Variants in MEGF10 observed in about 807,000 individuals in gnomAD.
The protein encoded by MEGF10 is multiple epidermal growth factor-like domains protein 10.
A neutral mutation model predicts 147.5 loss-of-function variants in MEGF10; 86 were observed. That is an observed-to-expected ratio of 0.58 (90% CI 0.49 to 0.70). MEGF10 has a LOEUF of 0.70. Among genes scored for constraint, MEGF10 ranks in the 30% least tolerant of loss-of-function variants. The pLI is 0.00. For synonymous variants in MEGF10, 478 were observed against 525.5 expected (o/e 0.91, Z 1.24); for missense variants, 1,329 against 1,487.3 (o/e 0.89, Z 1.75).
At chr5:127,383,184 A>G (rs968569065) in intron 5 of MEGF10, among the ~76,000 whole-genome samples, 6 of 152,234 alleles carry the variant, frequency 3.9e-5, no homozygotes, top group African/African-American at 1.4e-4. Flanking sequence ...TTTGGAAACA[A>G]CTAAAAATAT....
chr5:127,419,166 A>G lies in MEGF10; in HGVS notation c.1352A>G (p.Asn451Ser). ...TPCPLGTYGINCSSRCGCKND... is the reference protein window; with the variant it reads ...TPCPLGTYGISCSSRCGCKND... ...TGCCCTCTGGGAACCTATGGGATAA[A>G]CTGTTCCTCTCGCTGTGGCTGTAAA... The change falls in exon 11 of 25, where the codon AAC becomes AGC. Residue 451 changes from asparagine (N) to serine (S), a missense_variant. Around this residue, in one of 3 missense-constraint regions of MEGF10, gnomAD observed 980 missense variants for 1,085.9 expected, o/e 0.90. Coordinates refer to ENST00000503335, the MANE Select transcript of MEGF10 (RefSeq NM_001256545.2). 1.2e-6 allele frequency: 2 copies of G among 1,614,134 alleles called. No homozygotes were observed. The highest frequency in any genetic ancestry group is 1.7e-6 in the Non-Finnish European group (2 of 1,180,018).
At chr5:127,234,918 A>G in the MEGF10 span, among the ~76,000 whole-genome samples, 1 of 151,590 alleles carries the variant, frequency 6.6e-6, no homozygotes, top group Non-Finnish European at 1.5e-5. Context: ...ATCTCGGCTC[A>G]CTGCAACCTC....
chr5:127,421,120 A>G (rs1232391729), intron 12 of MEGF10, among the ~76,000 whole-genome samples: 1 of 152,238 alleles, frequency 6.6e-6, no homozygotes, highest in Non-Finnish European at 1.5e-5. Context: ...TCTAGTGAAC[A>G]AATTATCAGT....
At chr5:127,266,486 C>T in the MEGF10 span, among the ~76,000 whole-genome samples, 8,557 of 152,182 alleles carry the variant, frequency 0.056, 354 homozygotes, top group African/African-American at 0.11. Flanking sequence ...ATGGCGATGG[C>T]GTTGAATCTA....
intron 3 of MEGF10, 106 bp downstream of exon 3, chr5:127,339,327 G>C (rs1043431774): frequency 1.1e-5 from 8 of 727,632 alleles, no homozygotes; most frequent in African/African-American, 1.1e-4. Flanking sequence ...CAGTGAATAG[G>C]TATTGAGGGC....
chr5:127,392,961 G>A (rs539041155), intron 5 of MEGF10, among the ~76,000 whole-genome samples: 2 of 152,162 alleles, frequency 1.3e-5, no homozygotes, highest in Admixed American at 6.5e-5. Context: ...CATTTCCGGC[G>A]GTTAGTGCAG....
intron 5 of MEGF10, among the ~76,000 whole-genome samples, chr5:127,377,455 A>T (rs1234244063): frequency 6.6e-6 from 1 of 152,082 alleles, no homozygotes; most frequent in East Asian, 1.9e-4. Flanking sequence ...TGGTCTAGAA[A>T]CTCCAAACTT....
chr5:127,247,465 A>G, the MEGF10 span, among the ~76,000 whole-genome samples: 3,965 of 118,834 alleles, frequency 0.033, 873 homozygotes, highest in Middle Eastern at 0.07. Context: ...GAAGAAGAAG[A>G]AGAAGAAGAA....
At chr5:127,364,724 C>G (rs909993038) in intron 4 of MEGF10, among the ~76,000 whole-genome samples, 18 of 152,128 alleles carry the variant, frequency 1.2e-4, no homozygotes, top group Admixed American at 1.2e-3. Context: ...TCTTGGAAGT[C>G]AACTCTCTGT....
chr5:127,408,029 T>G (rs910460053), intron 8 of MEGF10, among the ~76,000 whole-genome samples: 5 of 152,216 alleles, frequency 3.3e-5, no homozygotes, highest in African/African-American at 1.2e-4. Flanking sequence ...TGTTTTATAT[T>G]TATAATGCAA....
At chr5:127,434,948 G>C (rs1765506651) in intron 15 of MEGF10, 127 bp downstream of exon 15, 3 of 1,291,560 alleles carry the variant, frequency 2.3e-6, no homozygotes, top group Non-Finnish European at 2.1e-6. Context: ...GTCTTCTGCT[G>C]TGCTGTGTCT....
chr5:127,250,841 A>C, the MEGF10 span, among the ~76,000 whole-genome samples: 3 of 152,058 alleles, frequency 2.0e-5, no homozygotes, highest in Non-Finnish European at 2.9e-5. Context: ...ATAGAAAAAA[A>C]TCAATGCTTT....
the MEGF10 span, among the ~76,000 whole-genome samples, chr5:127,274,355 A>G: frequency 2.0e-5 from 3 of 152,208 alleles, no homozygotes; most frequent in East Asian, 5.8e-4. Context: ...TAGATATTAG[A>G]TAATACAATA....
the MEGF10 span, among the ~76,000 whole-genome samples, chr5:127,253,123 ATAT>A: frequency 6.6e-6 from 1 of 152,024 alleles, no homozygotes; most frequent in Non-Finnish European, 1.5e-5. Flanking sequence ...ACTTTGACAA[ATAT>A]TAATGCTTTT....
chr5:127,244,367 G>GAA, the MEGF10 span, among the ~76,000 whole-genome samples: 14 of 105,612 alleles, frequency 1.3e-4, no homozygotes, highest in Non-Finnish European at 2.0e-4. Context: ...GCGAGACTCC[G>GAA]AAAAAAAAAA....
chr5:127,271,635 A>T, the MEGF10 span, among the ~76,000 whole-genome samples: 5 of 151,906 alleles, frequency 3.3e-5, no homozygotes, highest in Non-Finnish European at 7.4e-5. Flanking sequence ...GCCACCCCCC[A>T]TGCTGTTCTC....
At chr5:127,406,881 C>T (rs77423675) in intron 8 of MEGF10, among the ~76,000 whole-genome samples, 2,807 of 152,206 alleles carry the variant, frequency 0.018, 55 homozygotes, top group South Asian at 0.078. Flanking sequence ...ATAGTGCTGC[C>T]GTAGGATCAC....
chr5:127,350,842 T>G (rs1383170385), intron 4 of MEGF10, among the ~76,000 whole-genome samples: 1 of 152,076 alleles, frequency 6.6e-6, no homozygotes, highest in South Asian at 2.1e-4. Context: ...ATTTATGGAG[T>G]GTATGGGATA....
At chr5:127,302,630 A>C (rs1759823831) in intron 1 of MEGF10, among the ~76,000 whole-genome samples, 2 of 152,222 alleles carry the variant, frequency 1.3e-5, no homozygotes, top group Admixed American at 1.3e-4. Flanking sequence ...AGTTATCTCA[A>C]AAAAATCAGC....
Sources: allele counts gnomAD v4.1 joint callset (sites outside exome capture counted in the v4.1 genomes callset), GRCh38; gene constraint gnomAD v4.1.1; regional missense constraint gnomAD v4.1.1; transcripts MANE v1.5; gene names NCBI Gene and HGNC (gene_info 2026-07-23, HGNC 2026-07-21).